Variants in PCDHGB4 observed in about 807,000 individuals in gnomAD.
The protein encoded by PCDHGB4 is protocadherin gamma subfamily B, 4.
In PCDHGB4, 38 loss-of-function variants were observed where a neutral mutation model predicts 60.5. That is an observed-to-expected ratio of 0.63 (90% CI 0.48 to 0.82). The LOEUF (loss-of-function observed/expected upper bound fraction) is 0.82. PCDHGB4 is among the 40% of genes least tolerant of loss of function. PCDHGB4 has a pLI of 0.00. For missense variants in PCDHGB4, 1,109 were observed against 1,209.6 expected (o/e 0.92, Z 1.23); for synonymous variants, 456 against 509.7 (o/e 0.89, Z 1.42).
Position 141,419,293 on chromosome 5 carries a change from C to A in PCDHGB4, c.2397+29012C>A, listed in dbSNP as rs748856660. 1.5e-5 allele frequency: 25 copies of A among 1,614,026 alleles called. No individual in the cohort carries two copies. The African/African-American group carries it at 3.2e-4, about 21-fold the overall frequency. Reference sequence around the variant, plus strand: ...CCATAGCGCAAGTCAGTGCCTCTGACCCAGACTTCGGGCTCAACGGCCGTG... The same window carrying A: ...CCATAGCGCAAGTCAGTGCCTCTGAACCAGACTTCGGGCTCAACGGCCGTG... On this transcript the variant is annotated intron_variant, in intron 1 of 3. Transcript: ENST00000519479.
intron 1 of PCDHGB4, among the ~76,000 whole-genome samples, chr5:141,444,006 G>T (rs1279816416): frequency 2.0e-5 from 3 of 152,012 alleles, no homozygotes; most frequent in Non-Finnish European, 4.4e-5. Flanking sequence ...TGCTACCTGG[G>T]TATTGGCTTC....
chr5:141,470,538 A>G (rs2099232733), intron 1 of PCDHGB4, among the ~76,000 whole-genome samples: 1 of 152,140 alleles, frequency 6.6e-6, no homozygotes, highest in African/African-American at 2.4e-5. Context: ...GTATCAGGTA[A>G]TATTTATTGA....
At position 141,477,577 on chromosome 5, in the gene PCDHGB4, G is replaced by T; in HGVS notation, c.2398-17230G>T. Reference sequence around the variant, plus strand: ...TAAGTGTCTGGGACCCCGACGCCCCGCAGAATGCTCGGCTTTCTTTCTTTC... The same window carrying T: ...TAAGTGTCTGGGACCCCGACGCCCCTCAGAATGCTCGGCTTTCTTTCTTTC... On this transcript the variant is annotated intron_variant, in intron 1 of 3. Transcript: ENST00000519479. The surrounding 1 kb of genome is among the most constrained non-coding windows in gnomAD (Gnocchi z 4.9). 1.2e-6 allele frequency: 2 copies of T among 1,614,124 alleles called. No homozygotes were observed. Among genetic ancestry groups the T allele is most frequent in the Non-Finnish European group, 1.7e-6 (2 of 1,180,020 alleles).
chr5:141,511,202 C>T lies in PCDHGB4; in HGVS notation c.*29C>T, dbSNP rs201024828. 2.0e-3 allele frequency: 3,296 copies of T among 1,612,132 alleles called. 7 individuals carry two copies. Among genetic ancestry groups the T allele is most frequent in the Middle Eastern group, 0.013 (77 of 6,006 alleles). On this transcript the variant is annotated 3_prime_UTR_variant, in exon 4 of 4. Coordinates refer to ENST00000519479, the MANE Select transcript of PCDHGB4 (RefSeq NM_003736.4). ...GGAGGCCAGGCCAAGAGCCACAGGG[C>T]GGCCTCTCCCCAACCAGCCCAGCTT...
In PCDHGB4 at chr5:141,395,138, C is replaced by T. The variant is rs147992300; in HGVS notation, c.2397+4857C>T. 1,238 of 1,614,204 alleles carry T rather than the reference C, an allele frequency of 7.7e-4. 19 individuals are homozygous for T. In the East Asian group the frequency reaches 0.018, roughly 24 times the overall value. On this transcript the variant is annotated intron_variant, in intron 1 of 3. Transcript: ENST00000519479. ...ACCTGATCTTTCCCCAGCCCAACTA[C>T]GCAGACATGCTCATCAGTCAGGAGG...
Position 141,448,073 on chromosome 5 carries a change from C to T in PCDHGB4, c.2398-46734C>T, listed in dbSNP as rs1025112556. ...TGCTCTCCAGCCTGGGCAACATGAA[C>T]GAAATGCCATCTTAAAAAAAAAAAA... On this transcript the variant is annotated intron_variant, in intron 1 of 3. Coordinates refer to ENST00000519479, the MANE Select transcript of PCDHGB4 (RefSeq NM_003736.4). 3.3e-5 allele frequency among the ~76,000 whole-genome samples: 5 copies of T among 151,432 alleles called. No individual in the cohort carries two copies. In the East Asian group the frequency reaches 5.8e-4, roughly 18 times the overall value.
In PCDHGB4 at chr5:141,388,264, A is replaced by G. The variant is rs1054125491; in HGVS notation, c.380A>G (p.Asn127Ser). 2 of 1,598,302 alleles carry G rather than the reference A, an allele frequency of 1.3e-6. No homozygotes were observed. Among genetic ancestry groups the G allele is most frequent in the African/African-American group, 2.9e-5 (2 of 70,082 alleles). ...GTGAATGTGGAGATCGAGGACATTAATGACCACACGCCAAAATTCACGCAA... is the reference window on the plus strand; with the variant it reads ...GTGAATGTGGAGATCGAGGACATTAGTGACCACACGCCAAAATTCACGCAA... ...YHVNVEIEDI[N>S]DHTPKFTQNS... is the part of the protein sequence containing the mutation. Residue 127 changes from asparagine to serine, a missense_variant, in exon 1 of 4, where the codon AAT becomes AGT. Coordinates refer to ENST00000519479, the MANE Select transcript of PCDHGB4 (RefSeq NM_003736.4).
intron 1 of PCDHGB4, chr5:141,475,971 C>T (rs750016455): frequency 2.1e-5 from 20 of 954,292 alleles, no homozygotes; most frequent in Non-Finnish European, 2.9e-5. Context: ...GAGGCAGAGA[C>T]TGAACAGCCG....
intron 3 of PCDHGB4, among the ~76,000 whole-genome samples, chr5:141,509,320 C>A (rs1261653347): frequency 6.6e-6 from 1 of 152,194 alleles, no homozygotes; most frequent in Non-Finnish European, 1.5e-5. Flanking sequence ...GGGAGAGAAG[C>A]TCTACTGCCA....
At chr5:141,478,239 C>G in intron 1 of PCDHGB4, 1 of 1,614,132 alleles carries the variant, frequency 6.2e-7, no homozygotes. Flanking sequence ...TTTGTGGTCA[C>G]AGTGTTCGGA....
At chr5:141,402,796 A>C in intron 1 of PCDHGB4, 1 of 1,040,680 alleles carries the variant, frequency 9.6e-7, no homozygotes, top group South Asian at 2.0e-5. Flanking sequence ...GGCTACACAA[A>C]ACCCGGCAGA....
Position 141,485,286 on chromosome 5 carries a change from AG to A in PCDHGB4, c.2398-9520del. On this transcript the variant is annotated intron_variant, in intron 1 of 3. Coordinates refer to ENST00000519479, the MANE Select transcript of PCDHGB4 (RefSeq NM_003736.4). This position sits in a 1 kb window ranked among gnomAD's most constrained non-coding sequence, Gnocchi z 5.7. ...CAGATCCGCTACCCGGTCCCAGAGG[AG>A]TCACAGGAAGGGACTTTTGTAGGGA... The A allele has an allele frequency of 6.2e-7, 1 of 1,614,044 alleles. No homozygotes were observed. Among genetic ancestry groups the A allele is most frequent in the Non-Finnish European group, 8.5e-7 (1 of 1,179,928 alleles).
Position 141,399,669 on chromosome 5 carries a change from C to T in PCDHGB4, c.2397+9388C>T, listed in dbSNP as rs2093861369. 1.9e-6 allele frequency: 3 copies of T among 1,613,524 alleles called. No individual in the cohort carries two copies. The African/African-American group carries it at 4.0e-5, about 22-fold the overall frequency. On this transcript the variant is annotated intron_variant, in intron 1 of 3. Coordinates refer to ENST00000519479, the MANE Select transcript of PCDHGB4 (RefSeq NM_003736.4). ...AAAGTGGGGTGGTGTTCGCGCAGCG[C>T]GCCTTTGACTACGAGCAGCTGCGCA...
chr5:141,408,669 C>T lies in PCDHGB4; in HGVS notation c.2397+18388C>T, dbSNP rs2095146839. ...GCTGGTACACGACTATCGCTTGACCCTGCCACGGATCCTGATATAAACATA... is the reference window on the plus strand; with the variant it reads ...GCTGGTACACGACTATCGCTTGACCTTGCCACGGATCCTGATATAAACATA... On this transcript the variant is annotated intron_variant, in intron 1 of 3. Transcript: ENST00000519479. The T allele has an allele frequency of 2.5e-6, 4 of 1,613,988 alleles. No homozygotes were observed. Among genetic ancestry groups the T allele is most frequent in the South Asian group, 2.2e-5 (2 of 91,078 alleles).
intron 1 of PCDHGB4, chr5:141,422,395 C>T: frequency 1.9e-6 from 3 of 1,596,286 alleles, no homozygotes; most frequent in South Asian, 1.1e-5. Context: ...TATTCCTAAC[C>T]ACCTGCCTTT....
intron 1 of PCDHGB4, chr5:141,414,994 T>G (rs1390374290): frequency 6.2e-7 from 1 of 1,613,744 alleles, no homozygotes; most frequent in South Asian, 1.1e-5. Flanking sequence ...CCAGAACGCC[T>G]GGCTGTCCTA....
chr5:141,418,277 T>G, intron 1 of PCDHGB4: 2 of 1,614,026 alleles, frequency 1.2e-6, no homozygotes, highest in Non-Finnish European at 1.7e-6. Flanking sequence ...TGAAATAAAC[T>G]TAGAAATCAG....
In PCDHGB4 at chr5:141,431,243, A is replaced by G; in HGVS notation, c.2397+40962A>G. 1 of 1,614,154 alleles carries G rather than the reference A, an allele frequency of 6.2e-7. No homozygotes were observed. Among genetic ancestry groups the G allele is most frequent in the Non-Finnish European group, 8.5e-7 (1 of 1,180,034 alleles). ...TCTACCCCACGCCTGGGATCCGGAT[A>G]TCGGGAAGAACTCTCTGCAGAGCTA... On this transcript the variant is annotated intron_variant, in intron 1 of 3. Coordinates refer to ENST00000519479, the MANE Select transcript of PCDHGB4 (RefSeq NM_003736.4). This position sits in a 1 kb window ranked among gnomAD's most constrained non-coding sequence, Gnocchi z 4.8.
chr5:141,433,358 CCTATCTAT>C lies in PCDHGB4; in HGVS notation c.2397+43118_2397+43125del, dbSNP rs3074541. On this transcript the variant is annotated intron_variant, in intron 1 of 3. Transcript: ENST00000519479. ...ACAGGTGCAAGCCACCTACTGTCTG[CCTATCTAT>C]CTATCTATCTATCTATCTATCTATC... is the stretch of plus-strand genomic sequence containing the variant. The C allele has an allele frequency of 7.0e-3, 3,504 of 501,060 alleles. 20 individuals carry two copies. The highest frequency in any genetic ancestry group is 7.9e-3 in the Non-Finnish European group (2,251 of 285,142). The allele number at this position is 501,060 out of a possible 1,614,324, so 31.0% of individuals were successfully genotyped here.
Sources: allele counts gnomAD v4.1 joint callset (sites outside exome capture counted in the v4.1 genomes callset), GRCh38; gene constraint gnomAD v4.1.1; non-coding constraint Gnocchi (gnomAD v3.1); transcripts MANE v1.5; gene names NCBI Gene and HGNC (gene_info 2026-07-23, HGNC 2026-07-21).